AP2A1: variants seen among roughly 807,000 people sequenced by gnomAD.
AP2A1 encodes the protein AP-2 complex subunit alpha-1.
In AP2A1, 21 loss-of-function variants were observed where a neutral mutation model predicts 107.3. The observed-to-expected ratio is 0.20, with a 90% confidence interval of 0.14 to 0.28. AP2A1 has a LOEUF of 0.28. Among genes scored for constraint, AP2A1 ranks in the 10% least tolerant of loss-of-function variants. AP2A1 has a pLI of 1.00. For synonymous variants in AP2A1, 602 were observed against 564.8 expected (o/e 1.07, Z -0.93); for missense variants, 873 against 1,307.7 (o/e 0.67, Z 5.13).
intron 1 of AP2A1, among the ~76,000 whole-genome samples, chr19:49,774,670 C>A (rs573443411): frequency 1.5e-3 from 225 of 152,244 alleles, no homozygotes; most frequent in South Asian, 2.7e-3. Context: ...CGCCTGTAAT[C>A]CCAGCACTTT....
chr19:49,778,262 GGC>G (rs1568575095), intron 1 of AP2A1, among the ~76,000 whole-genome samples: 1 of 152,146 alleles, frequency 6.6e-6, no homozygotes, highest in African/African-American at 2.4e-5. Context: ...GAGGCTCTGT[GGC>G]GCAGCTTGTT....
At chr19:49,792,359 A>G (rs1341494913) in intron 5 of AP2A1, among the ~76,000 whole-genome samples, 4 of 138,776 alleles carry the variant, frequency 2.9e-5, no homozygotes, top group Non-Finnish European at 6.3e-5. Flanking sequence ...CCGGATACCC[A>G]GGGCTCCCAC....
rs188289411 is a variant in AP2A1 at position 49,782,115 on chromosome 19, G to A, written c.279+26G>A. The A allele has an allele frequency of 4.2e-3, 6,458 of 1,539,162 alleles. 18 individuals carry two copies. The highest frequency in any genetic ancestry group is 4.6e-3 in the Non-Finnish European group (5,292 of 1,139,914). Reference sequence around the variant, plus strand: ...GTGAGTCTGGAGAGGGGGGTGCCAGGGCCTGGACTCCTGGGTCTGCGGGGG... The same window carrying A: ...GTGAGTCTGGAGAGGGGGGTGCCAGAGCCTGGACTCCTGGGTCTGCGGGGG... On this transcript the variant is annotated intron_variant, in intron 3 of 22. Transcript: ENST00000354293.
chr19:49,795,501 A>C (rs1402054027), intron 6 of AP2A1, 129 bp from the exon 7 acceptor site: 2 of 656,240 alleles, frequency 3.0e-6, no homozygotes, highest in East Asian at 2.7e-5. Context: ...TACAAAAAAA[A>C]CCCACTAACA....
At chr19:49,795,587 T>TTGATTGGATTG in intron 6 of AP2A1, 43 bp from the exon 7 acceptor site, 1 of 292,414 alleles carries the variant, frequency 3.4e-6, no homozygotes, top group African/African-American at 4.0e-5. Flanking sequence ...CACGTGCCCC[T>TTGATTGGATTG]CCCACCCCAG....
chr19:49,772,056 CCTGTCT>C (rs1404098915), intron 1 of AP2A1, among the ~76,000 whole-genome samples: 1 of 151,854 alleles, frequency 6.6e-6, no homozygotes, highest in African/African-American at 2.4e-5. Context: ...ATAGCAAGAC[CCTGTCT>C]CTCTTTCTTT....
intron 4 of AP2A1, among the ~76,000 whole-genome samples, chr19:49,787,693 T>C (rs1037797400): frequency 7.2e-5 from 11 of 151,950 alleles, no homozygotes; most frequent in African/African-American, 2.7e-4. Flanking sequence ...TTCTAGTATA[T>C]TGATGATGCT....
chr19:49,792,421 C>T lies in AP2A1; in HGVS notation c.603+357C>T, dbSNP rs1019798879. On this transcript the variant is annotated intron_variant, in intron 5 of 22. Transcript: ENST00000354293. ...TGGGGCTCCCACCTCAGCCCTGATC[C>T]CCCTGGATTCCTGGAGCTTCCCCCT... 4.1e-4 allele frequency among the ~76,000 whole-genome samples: 62 copies of T among 151,904 alleles called. 1 individual carries two copies. Among genetic ancestry groups the T allele is most frequent in the Admixed American group, 3.9e-3 (60 of 15,264 alleles).
At position 49,801,634 on chromosome 19, in the gene AP2A1, T is replaced by TGCCCCCCCCCCCCCCCCCCAGGGCCCC; in HGVS notation, c.1785+13_1785+14insGCCCCCCCCCCCCCCCCCCAGGGCCCC. 2 of 1,482,282 alleles carry TGCCCCCCCCCCCCCCCCCCAGGGCCCC rather than the reference T, an allele frequency of 1.3e-6. No homozygotes were observed. Among genetic ancestry groups the TGCCCCCCCCCCCCCCCCCCAGGGCCCC allele is most frequent in the Non-Finnish European group, 9.3e-7 (1 of 1,076,936 alleles). 91.8% of individuals were successfully genotyped at this position (1,482,282 alleles called of 1,614,324 possible). A position where few individuals can be genotyped will look rare whatever the true frequency, so the allele number is the denominator to read the frequency against. ...CACCGACGTCCTGGTCAGAGCCCTGTCCCCCCACCCCACCCCTCTTGCACA... is the reference window on the plus strand; with the variant it reads ...CACCGACGTCCTGGTCAGAGCCCTGTGCCCCCCCCCCCCCCCCCCAGGGCCCCCCCCCCACCCCACCCCTCTTGCACA... On this transcript the variant is annotated intron_variant, in intron 13 of 22. Coordinates refer to ENST00000354293, the MANE Select transcript of AP2A1 (RefSeq NM_130787.3).
chr19:49,770,920 C>T (rs539345943), intron 1 of AP2A1, among the ~76,000 whole-genome samples: 146 of 152,184 alleles, frequency 9.6e-4, no homozygotes, highest in Non-Finnish European at 1.7e-3. Flanking sequence ...GGGGTGATCT[C>T]GGCTTACTGC....
At chr19:49,770,056 G>T (rs543154751) in intron 1 of AP2A1, among the ~76,000 whole-genome samples, 8 of 152,152 alleles carry the variant, frequency 5.3e-5, no homozygotes, top group Middle Eastern at 6.8e-3. Flanking sequence ...TTTAGTAGAC[G>T]CAGGGTTTCC....
chr19:49,798,776 C>T (rs576546478), intron 7 of AP2A1, 26 bp from the exon 8 acceptor site: 20 of 1,594,236 alleles, frequency 1.3e-5, no homozygotes, highest in South Asian at 6.8e-5. Flanking sequence ...GACACTCAGC[C>T]GGGGGCGTCC....
rs759719552 is a variant in AP2A1, at chr19:49,800,012, C to T, written c.1317C>T (p.Tyr439=). The T allele has an allele frequency of 2.5e-6, 4 of 1,614,058 alleles. No homozygotes were observed. The highest frequency in any genetic ancestry group is 2.2e-5 in the South Asian group (2 of 91,092). Residue 439 remains tyrosine (Y), a synonymous_variant, in exon 11 of 23, where the codon TAC becomes TAT. Transcript: ENST00000354293. Reference sequence around the variant, plus strand: ...TGGCCGAGAAGTACGCCGTGGACTACAGCTGGTACGTGGACACCATCCTCA... The same window carrying T: ...TGGCCGAGAAGTACGCCGTGGACTATAGCTGGTACGTGGACACCATCCTCA... ...AILAEKYAVD[Y]SWYVDTILNL... is the part of the protein sequence containing the mutation.
At chr19:49,799,267 T>G in intron 8 of AP2A1, 60 bp from the exon 9 acceptor site, 1 of 1,564,276 alleles carries the variant, frequency 6.4e-7, no homozygotes, top group Non-Finnish European at 8.6e-7. Context: ...GGGGCCCGAG[T>G]CCTCCACCTT....
chr19:49,773,439 C>T (rs1305330583), intron 1 of AP2A1, among the ~76,000 whole-genome samples: 1 of 152,306 alleles, frequency 6.6e-6, no homozygotes, highest in South Asian at 2.1e-4. Flanking sequence ...CTCACTCCAG[C>T]TTTGTCCTCT....
chr19:49,776,746 C>T (rs2084621058), intron 1 of AP2A1, among the ~76,000 whole-genome samples: 1 of 152,224 alleles, frequency 6.6e-6, no homozygotes, highest in Non-Finnish European at 1.5e-5. Flanking sequence ...TCCCTGGGCT[C>T]CCTGGCCATC....
intron 1 of AP2A1, among the ~76,000 whole-genome samples, chr19:49,776,767 A>C (rs1027160511): frequency 3.9e-5 from 6 of 152,196 alleles, no homozygotes; most frequent in African/African-American, 1.4e-4. Context: ...ACGGGCCTTT[A>C]GATCTTTGCA....
chr19:49,781,730 C>G (rs775996751), intron 1 of AP2A1, 27 bp from the exon 2 acceptor site: 2 of 1,568,986 alleles, frequency 1.3e-6, no homozygotes, highest in Admixed American at 3.8e-5. Flanking sequence ...AGACCCCTCA[C>G]TGCCTACCCT....
chr19:49,771,836 A>G (rs1430754952), intron 1 of AP2A1, among the ~76,000 whole-genome samples: 1 of 152,114 alleles, frequency 6.6e-6, no homozygotes, highest in Non-Finnish European at 1.5e-5. Flanking sequence ...GCTTTGCTTC[A>G]CAAGAGACCT....
Sources: gnomAD v4.1 joint callset for allele counts (sites outside exome capture counted in the v4.1 genomes callset) on GRCh38, gnomAD v4.1.1 for gene constraint, MANE v1.5 for transcripts, NCBI Gene and HGNC (gene_info 2026-07-23, HGNC 2026-07-21) for gene names.